The following ATXN2 variants were observed in gnomAD, a reference collection of about 807,000 sequenced individuals.
ATXN2 encodes the protein ataxin 2.
In ATXN2, 37 loss-of-function variants were observed where a neutral mutation model predicts 138.6. The observed-to-expected ratio is 0.27, with a 90% CI of 0.21 to 0.35. ATXN2 has a LOEUF of 0.35. Among genes scored for constraint, ATXN2 ranks in the 10% least tolerant of loss-of-function variants. The pLI is 1.00. For missense variants in ATXN2, 1,216 were observed against 1,480.3 expected, an observed-to-expected ratio of 0.82 and a Z score of 2.93; for synonymous variants, 549 against 543.7, an observed-to-expected ratio of 1.01 and a Z score of -0.13.
chr12:111,453,210 G>A lies in ATXN2; in HGVS notation c.3440-370C>T, dbSNP rs1348860873. The A allele has an allele frequency of 4.6e-6, 5 of 1,088,888 alleles. No homozygotes were observed. The highest frequency in any genetic ancestry group is 3.6e-5 in the South Asian group (1 of 27,682). 67.5% of individuals were successfully genotyped at this position (1,088,888 alleles called of 1,614,324 possible). A position where few individuals can be genotyped will look rare whatever the true frequency, so the allele number is the denominator to read the frequency against. Reference sequence around the variant, plus strand: ...AAGTAGTAGAGCACAATCACAGGGCGCTCTCCCCTGTTCAGGGGCTGGGGC... The same window carrying A: ...AAGTAGTAGAGCACAATCACAGGGCACTCTCCCCTGTTCAGGGGCTGGGGC... On this transcript the variant is annotated intron_variant, in intron 24 of 24. Transcript: ENST00000673436. This position sits in a 1 kb window ranked among gnomAD's most constrained non-coding sequence, Gnocchi z 5.4.
chr12:111,577,933 C>T (rs985556703), intron 1 of ATXN2, among the ~76,000 whole-genome samples: 5 of 152,072 alleles, frequency 3.3e-5, no homozygotes, highest in Non-Finnish European at 1.5e-5. Context: ...CGGTGGCTCA[C>T]ATCTGTAATC....
chr12:111,491,794 C>A, intron 14 of ATXN2, among the ~76,000 whole-genome samples: 1 of 152,228 alleles, frequency 6.6e-6, no homozygotes, highest in Admixed American at 6.5e-5. Flanking sequence ...ACATTCACAG[C>A]TGTGGTGTCC....
Position 111,548,940 on chromosome 12 carries a change from C to A in ATXN2, c.571+3340G>T, listed in dbSNP as rs544330829. ...GTTTCAACATGTTGGCCAGGCTGGT[C>A]TCGAACTCCTGACCTCAAATGATCT... On this transcript the variant is annotated intron_variant, in intron 5 of 24. Coordinates refer to ENST00000673436, the MANE Select transcript of ATXN2 (RefSeq NM_001372574.1). Among the ~76,000 whole-genome samples the A allele has an allele frequency of 8.5e-5, 13 of 152,184 alleles. No individual in the cohort carries two copies. The South Asian group carries it at 2.5e-3, about 29-fold the overall frequency.
intron 1 of ATXN2, among the ~76,000 whole-genome samples, chr12:111,588,752 G>A (rs1252947923): frequency 6.6e-6 from 1 of 151,884 alleles, no homozygotes; most frequent in Admixed American, 6.6e-5. Context: ...AGCACTTTGG[G>A]AAGCCGAGGC....
chr12:111,487,253 T>A (rs10400458), intron 15 of ATXN2, among the ~76,000 whole-genome samples: 15,521 of 151,724 alleles, frequency 0.1, 2,659 homozygotes, highest in African/African-American at 0.35. Flanking sequence ...TAATTTTTTT[T>A]AATATTTATT....
intron 5 of ATXN2, among the ~76,000 whole-genome samples, chr12:111,531,976 G>T (rs1442743279): frequency 6.6e-6 from 1 of 152,156 alleles, no homozygotes; most frequent in African/African-American, 2.4e-5. Context: ...TAACATACAT[G>T]TTCTTAATTA....
intron 1 of ATXN2, among the ~76,000 whole-genome samples, chr12:111,582,396 T>C (rs1382887498): frequency 2.0e-5 from 3 of 150,766 alleles, no homozygotes; most frequent in East Asian, 1.9e-4. Flanking sequence ...TGAGCAGAAA[T>C]TGCACCACGC....
intron 18 of ATXN2, among the ~76,000 whole-genome samples, chr12:111,472,161 G>A (rs779492673): frequency 2.0e-5 from 3 of 152,164 alleles, no homozygotes; most frequent in Non-Finnish European, 2.9e-5. Flanking sequence ...CAGCTACTCA[G>A]GAGGCTGAGG....
At position 111,598,949 on chromosome 12, in the gene ATXN2, G is replaced by GGCTGCTGCTGCTGCT. The variant is rs10560189; in HGVS notation, c.71_85dup (p.Gln24_Gln28dup). 1.2e-5 allele frequency: 17 copies of GGCTGCTGCTGCTGCT among 1,411,982 alleles called. No homozygotes were observed. The African/African-American group carries it at 2.0e-4, about 17-fold the overall frequency. The allele number at this position is 1,411,982 out of a possible 1,614,324, so 87.5% of individuals were successfully genotyped here. ...GCGGACATTGGCAGCCGCGGGCGGC[G>GGCTGCTGCTGCTGCT]GCTGCTGCTGCTGCTGCTGCTGCTG... On this transcript the variant is annotated inframe_insertion, in exon 1 of 25. Coordinates refer to ENST00000673436, the MANE Select transcript of ATXN2 (RefSeq NM_001372574.1). The surrounding 1 kb of genome is among the most constrained non-coding windows in gnomAD (Gnocchi z 4.5).
At chr12:111,452,864 G>C in intron 24 of ATXN2, 24 bp from the exon 25 acceptor site, 1 of 1,605,294 alleles carries the variant, frequency 6.2e-7, no homozygotes, top group African/African-American at 1.3e-5. Context: ...AGCGAACATT[G>C]AAACAGAAAA....
At chr12:111,500,612 C>T (rs1332593644) in intron 14 of ATXN2, among the ~76,000 whole-genome samples, 6 of 152,180 alleles carry the variant, frequency 3.9e-5, no homozygotes, top group Non-Finnish European at 2.9e-5. Flanking sequence ...CGGTGGCTCA[C>T]GCCTGCAACC....
At chr12:111,545,168 C>T (rs1881738584) in intron 5 of ATXN2, among the ~76,000 whole-genome samples, 1 of 151,460 alleles carries the variant, frequency 6.6e-6, no homozygotes, top group South Asian at 2.1e-4. Context: ...AAAACAAAAA[C>T]AAAACAAAAC....
Position 111,598,093 on chromosome 12 carries a change from A to G in ATXN2, c.251+691T>C. On this transcript the variant is annotated intron_variant, in intron 1 of 24. Transcript: ENST00000673436. The surrounding 1 kb of genome is among the most constrained non-coding windows in gnomAD (Gnocchi z 4.5). ...TGGAACGCTGCCGGAGGCCACATGG[A>G]GCCCCACGATTTCAGGGGAGTTCGG... The G allele has an allele frequency of 8.8e-7, 1 of 1,131,664 alleles. No homozygotes were observed. The highest frequency in any genetic ancestry group is 1.1e-6 in the Non-Finnish European group (1 of 909,626). 70.1% of individuals were successfully genotyped at this position (1,131,664 alleles called of 1,614,324 possible).
chr12:111,555,185 C>A (rs191545165), intron 2 of ATXN2, among the ~76,000 whole-genome samples: 22 of 152,042 alleles, frequency 1.4e-4, no homozygotes, highest in African/African-American at 4.1e-4. Context: ...AAATAAAAAG[C>A]ATAAAGAACT....
intron 8 of ATXN2, 22 bp from the exon 9 acceptor site, chr12:111,518,449 A>T: frequency 6.3e-7 from 1 of 1,575,868 alleles, no homozygotes; most frequent in Admixed American, 1.7e-5. Flanking sequence ...AGATCCTCTA[A>T]ATCATTTTAT....
At chr12:111,592,028 G>T (rs957453124) in intron 1 of ATXN2, among the ~76,000 whole-genome samples, 7 of 150,250 alleles carry the variant, frequency 4.7e-5, no homozygotes, top group African/African-American at 1.5e-4. Flanking sequence ...GTTGCAGTGA[G>T]CTGAGATTGC....
At chr12:111,546,024 T>C (rs1380520562) in intron 5 of ATXN2, among the ~76,000 whole-genome samples, 2 of 151,812 alleles carry the variant, frequency 1.3e-5, no homozygotes, top group Admixed American at 1.3e-4. Flanking sequence ...AGGAAGGTAG[T>C]GGTTAGTTGA....
chr12:111,591,052 G>A (rs772163708), intron 1 of ATXN2, among the ~76,000 whole-genome samples: 17 of 152,002 alleles, frequency 1.1e-4, no homozygotes, highest in Non-Finnish European at 2.2e-4. Flanking sequence ...ACCGCGCCCA[G>A]CTAATTTTTT....
intron 1 of ATXN2, among the ~76,000 whole-genome samples, chr12:111,589,571 A>C (rs1884539704): frequency 6.6e-6 from 1 of 151,936 alleles, no homozygotes; most frequent in South Asian, 2.1e-4. Context: ...CGGGAGTTCG[A>C]GACCAGCCTG....
Sources: allele counts gnomAD v4.1 joint callset (sites outside exome capture counted in the v4.1 genomes callset), GRCh38; gene constraint gnomAD v4.1.1; non-coding constraint Gnocchi (gnomAD v3.1); transcripts MANE v1.5; gene names NCBI Gene and HGNC (gene_info 2026-07-23, HGNC 2026-07-21).